RIF1: variants seen among roughly 807,000 people sequenced by gnomAD.
RIF1 encodes the protein telomere-associated protein RIF1.
Under a neutral mutation model 247.1 loss-of-function variants are expected in RIF1, and 45 were observed. The observed-to-expected ratio is 0.18, with a 90% CI of 0.14 to 0.23. The LOEUF is 0.23. Among genes scored for constraint, RIF1 ranks in the 10% least tolerant of loss-of-function variants. The pLI, the probability that RIF1 is intolerant of heterozygous loss-of-function variation, is 1.00. For missense variants in RIF1, 2,967 were observed against 2,862.5 expected (o/e 1.04, Z -0.83); for synonymous variants, 1,087 against 978.8 (o/e 1.11, Z -2.06).
the RIF1 span, chr2:151,527,040 C>T: frequency 3.1e-5 from 47 of 1,539,312 alleles, no homozygotes; most frequent in East Asian, 9.0e-4. Context: ...AGAAGAAAGG[C>T]AGAAGAAAAG....
Position 151,454,952 on chromosome 2 carries a change from C to G in RIF1, c.2402C>G (p.Thr801Ser), listed in dbSNP as rs370292218. 11 of 1,612,768 alleles carry G rather than the reference C, an allele frequency of 6.8e-6. No individual in the cohort carries two copies. In the African/African-American group the frequency reaches 1.5e-4, roughly 22 times the overall value. The change falls in exon 22 of 36, where the codon ACT becomes AGT. Residue 801 changes from threonine to serine, a missense_variant. Thr to Ser is a moderately conservative substitution (Grantham distance 58, BLOSUM62 1). Around this residue, in one of 7 missense-constraint regions of RIF1, gnomAD observed 2,028 missense variants for 1,825.6 expected, o/e 1.11. Coordinates refer to ENST00000444746, the MANE Select transcript of RIF1 (RefSeq NM_018151.5). Reference protein sequence around the residue: ...KKKNEPLGKLTSLFKLIVKVI... With the variant: ...KKKNEPLGKLSSLFKLIVKVI... ...AAGAATGAGCCCCTAGGGAAATTGA[C>G]TTCTTTATTTAAACTTATTGTGAAA...
At chr2:151,520,238 TA>T in the RIF1 span, among the ~76,000 whole-genome samples, 7 of 152,162 alleles carry the variant, frequency 4.6e-5, no homozygotes, top group Non-Finnish European at 1.0e-4. Context: ...ATTGTTATTT[TA>T]AAATAGTACT....
chr2:151,470,401 C>G (rs1053656452), intron 34 of RIF1, among the ~76,000 whole-genome samples: 11 of 152,222 alleles, frequency 7.2e-5, no homozygotes, highest in African/African-American at 2.6e-4. Flanking sequence ...TTGAGTATTC[C>G]TTATCTGAAT....
chr2:151,460,814 C>T (rs1055436397), intron 26 of RIF1, among the ~76,000 whole-genome samples: 3 of 152,218 alleles, frequency 2.0e-5, no homozygotes, highest in African/African-American at 2.4e-5. Context: ...CATGCCTCAA[C>T]TTGAGAGCTG....
Position 151,459,536 on chromosome 2 carries a change from G to C in RIF1, c.2956-464G>C, listed in dbSNP as rs114857384. Among the ~76,000 whole-genome samples, 489 of 152,270 alleles carry C rather than the reference G, an allele frequency of 3.2e-3. 2 individuals are homozygous for C. The highest frequency in any genetic ancestry group is 6.8e-3 in the Middle Eastern group (2 of 294). On this transcript the variant is annotated intron_variant, in intron 25 of 35. Coordinates refer to ENST00000444746, the MANE Select transcript of RIF1 (RefSeq NM_018151.5). Reference sequence around the variant, plus strand: ...TGGCTGAAGTAAAAATTTTCCACTAGATAACTAACAGACTTGTGAAAGAGT... The same window carrying C: ...TGGCTGAAGTAAAAATTTTCCACTACATAACTAACAGACTTGTGAAAGAGT...
At position 151,465,757 on chromosome 2, in the gene RIF1, C is replaced by T; in HGVS notation, c.6237C>T (p.Ile2079=). 1 of 1,613,736 alleles carries T rather than the reference C, an allele frequency of 6.2e-7. No homozygotes were observed. The highest frequency in any genetic ancestry group is 8.5e-7 in the Non-Finnish European group (1 of 1,179,690). Residue 2079 remains isoleucine, a synonymous_variant, in exon 30 of 36, where the codon ATC becomes ATT. Coordinates refer to ENST00000444746, the MANE Select transcript of RIF1 (RefSeq NM_018151.5). ...DTVEMSTEEG[I]IDANKTETNT... is the part of the protein sequence containing the mutation. ...TTGAAATGAGCACTGAAGAAGGAAT[C>T]ATTGACGCTAATAAAACTGAAACAA...
rs1328025660 is a variant in RIF1, at chr2:151,465,645, A to G, written c.6125A>G (p.Glu2042Gly). The G allele has an allele frequency of 6.2e-7, 1 of 1,614,116 alleles. No individual in the cohort carries two copies. The highest frequency in any genetic ancestry group is 1.1e-5 in the South Asian group (1 of 91,058). ...GGCCATGATGGTGAAACAGAGAATG[A>G]GGGCATAACTACCAAAACCTCAAAG... ...ETGHDGETEN[E>G]GITTKTSKPD... Residue 2042 changes from glutamate (E) to glycine (G), a missense_variant, in exon 30 of 36, where the codon GAG (glutamate) becomes GGG (glycine). Physicochemically the swap from Glu to Gly is moderately conservative, Grantham distance 98 (BLOSUM62 -2). Coordinates refer to ENST00000444746, the MANE Select transcript of RIF1 (RefSeq NM_018151.5).
At chr2:151,527,556 G>A in the RIF1 span, 14 of 1,613,078 alleles carry the variant, frequency 8.7e-6, no homozygotes, top group East Asian at 2.7e-4. Context: ...AGTGGGCTTT[G>A]TTGGCTTCGT....
intron 30 of RIF1, among the ~76,000 whole-genome samples, chr2:151,466,625 C>G (rs928272456): frequency 2.0e-5 from 3 of 151,910 alleles, no homozygotes; most frequent in African/African-American, 7.3e-5. Flanking sequence ...ATTTCCTCAG[C>G]TAAATTATAG....
intron 30 of RIF1, among the ~76,000 whole-genome samples, chr2:151,467,294 AC>A (rs936999047): frequency 3.7e-4 from 57 of 152,302 alleles, no homozygotes; most frequent in African/African-American, 1.3e-3. Context: ...TTTGCAAGAT[AC>A]ACTGAAAATT....
chr2:151,516,532 C>T, the RIF1 span: 35 of 1,612,410 alleles, frequency 2.2e-5, no homozygotes, highest in African/African-American at 1.9e-4. Flanking sequence ...GGGTTTTCCT[C>T]GTTCCTTTTC....
Position 151,463,385 on chromosome 2 carries a change from C to G in RIF1, c.3865C>G (p.Arg1289Gly), listed in dbSNP as rs749140716. The G allele has an allele frequency of 1.9e-6, 3 of 1,613,878 alleles. No individual in the cohort carries two copies. The South Asian group carries it at 3.3e-5, about 18-fold the overall frequency. Residue 1289 changes from arginine (R) to glycine (G), a missense_variant, in exon 30 of 36, where the codon CGG becomes GGG. Physicochemically the swap from Arg to Gly is moderately radical, Grantham distance 125. Transcript: ENST00000444746. ...KIVNGTKRSS[R>G]RAGKAEQTGN... ...AGTGAATGGAACTAAGAGATCAAGC[C>G]GGAGAGCTGGTAAAGCTGAACAAAC...
chr2:151,430,781 G>C (rs1689977866), intron 9 of RIF1, among the ~76,000 whole-genome samples: 1 of 147,522 alleles, frequency 6.8e-6, no homozygotes, highest in African/African-American at 2.5e-5. Flanking sequence ...GCCCCCCCAA[G>C]TAGCTGGGAC....
At chr2:151,411,552 G>T (rs1317850583) in intron 3 of RIF1, among the ~76,000 whole-genome samples, 2 of 152,000 alleles carry the variant, frequency 1.3e-5, no homozygotes, top group African/African-American at 4.8e-5. Context: ...ATAGGCATCC[G>T]CCACCGCCCC....
At chr2:151,453,570 A>AC (rs1258568210) in intron 21 of RIF1, among the ~76,000 whole-genome samples, 2 of 126,464 alleles carry the variant, frequency 1.6e-5, no homozygotes, top group East Asian at 2.4e-4. Context: ...ACAGAGCTAG[A>AC]CTCTGTCTCA....
In RIF1 at chr2:151,481,759, C is replaced by T. The variant is rs943772159; in HGVS notation, c.*6688C>T. 5 of 152,218 alleles carry T rather than the reference C, an allele frequency of 3.3e-5. No individual in the cohort carries two copies. Among genetic ancestry groups the T allele is most frequent in the African/African-American group, 1.2e-4 (5 of 41,458 alleles). The allele number at this position is 152,218 out of a possible 1,614,324, so 9.4% of individuals were successfully genotyped here. On this transcript the variant is annotated 3_prime_UTR_variant, in exon 36 of 36. Coordinates refer to ENST00000444746, the MANE Select transcript of RIF1 (RefSeq NM_018151.5). ...CTAGGGGTCTCAAACCCCTGGGTGG[C>T]ATTAGATTCTTACAGGAGCGTGAAC... is the stretch of plus-strand genomic sequence containing the variant.
At chr2:151,497,343 CAGTT>C (rs776263379) in intron 10 of RIF1, 310 of 982,090 alleles carry the variant, frequency 3.2e-4, no homozygotes, top group Non-Finnish European at 3.6e-4. Flanking sequence ...GGATTTGAGA[CAGTT>C]AGAACTCAGT....
the RIF1 span, chr2:151,527,041 A>G: frequency 4.6e-6 from 7 of 1,523,836 alleles, no homozygotes; most frequent in Non-Finnish European, 6.3e-6. Flanking sequence ...GAAGAAAGGC[A>G]GAAGAAAAGG....
chr2:151,461,744 T>C (rs1696206942), intron 27 of RIF1, among the ~76,000 whole-genome samples: 1 of 152,224 alleles, frequency 6.6e-6, no homozygotes, highest in South Asian at 2.1e-4. Context: ...ATGCATTTCA[T>C]AATGTATAAA....
Sources: allele counts gnomAD v4.1 joint callset (sites outside exome capture counted in the v4.1 genomes callset), GRCh38; gene constraint gnomAD v4.1.1; regional missense constraint gnomAD v4.1.1; transcripts MANE v1.5; gene names NCBI Gene and HGNC (gene_info 2026-07-23, HGNC 2026-07-21).